The following RNLS variants were observed in gnomAD, a reference collection of about 807,000 sequenced individuals.
RNLS encodes the protein renalase, FAD dependent amine oxidase.
A neutral mutation model predicts 39.8 loss-of-function variants in RNLS; 39 were observed. The ratio of observed to expected loss-of-function variants is 0.98; its 90% CI spans 0.76 to 1.28. The LOEUF (loss-of-function observed/expected upper bound fraction) is 1.28, where lower values mean the gene tolerates loss of function less well. Among genes scored for constraint, RNLS ranks in the 50% most tolerant of loss-of-function variants. The probability of loss-of-function intolerance (pLI) is 0.00; values close to 1 mark genes in which losing one functional copy is unlikely to be tolerated. For missense variants in RNLS, 410 were observed against 413.3 expected, an observed-to-expected ratio of 0.99 and a Z score of 0.07; for synonymous variants, 147 against 150.7, an observed-to-expected ratio of 0.98 and a Z score of 0.18.
At chr10:88,390,542 A>G (rs1331051391) in intron 4 of RNLS, among the ~76,000 whole-genome samples, 1 of 152,182 alleles carries the variant, frequency 6.6e-6, no homozygotes, top group Non-Finnish European at 1.5e-5. Context: ...ACCATAGCAC[A>G]CATGCATTTA....
chr10:88,273,954 C>A (rs1413817456), exon 7 of RNLS: 1 of 152,162 alleles, frequency 6.6e-6, no homozygotes, highest in Non-Finnish European at 1.5e-5. Flanking sequence ...CATAAACATA[C>A]ATATGTACAC....
chr10:88,524,956 C>CACACACATATATAT (rs768939981), intron 4 of RNLS, among the ~76,000 whole-genome samples: 8 of 76,288 alleles, frequency 1.0e-4, no homozygotes, highest in African/African-American at 3.6e-4. Flanking sequence ...ATGGCACACA[C>CACACACATATATAT]ATACATATAT....
At chr10:88,273,290 A>G (rs990570189), downstream of RNLS, among the ~76,000 whole-genome samples, 2 of 152,250 alleles carry the variant, frequency 1.3e-5, no homozygotes, top group Admixed American at 6.5e-5. Flanking sequence ...CAGAAAAAAT[A>G]TAAAGAAAGA....
chr10:88,473,987 T>C (rs1843678613), intron 4 of RNLS, among the ~76,000 whole-genome samples: 1 of 152,204 alleles, frequency 6.6e-6, no homozygotes, highest in African/African-American at 2.4e-5. Context: ...TGATGGTTTC[T>C]TTCATTAAAT....
chr10:88,216,638 T>C, the RNLS span, among the ~76,000 whole-genome samples: 5 of 152,194 alleles, frequency 3.3e-5, no homozygotes, highest in African/African-American at 9.6e-5. Flanking sequence ...TGACCTGGTG[T>C]GAGTTGTATG....
At chr10:88,283,706 G>T (rs1187744285), downstream of RNLS, among the ~76,000 whole-genome samples, 1 of 152,010 alleles carries the variant, frequency 6.6e-6, no homozygotes, top group Non-Finnish European at 1.5e-5. Context: ...AACTAATGAG[G>T]GAACAGAAAA....
chr10:88,368,694 T>C (rs1040747856), intron 4 of RNLS, among the ~76,000 whole-genome samples: 1 of 152,128 alleles, frequency 6.6e-6, no homozygotes, highest in African/African-American at 2.4e-5. Context: ...CATAATTTGG[T>C]TAATCGTTTC....
At chr10:88,215,716 C>T in the RNLS span, among the ~76,000 whole-genome samples, 6 of 76,174 alleles carry the variant, frequency 7.9e-5, no homozygotes, top group South Asian at 3.6e-4. Flanking sequence ...TTTTTTTTTC[C>T]GAGATGGAGT....
At chr10:88,543,518 G>C (rs1448669245) in intron 4 of RNLS, among the ~76,000 whole-genome samples, 1 of 152,018 alleles carries the variant, frequency 6.6e-6, no homozygotes, top group Non-Finnish European at 1.5e-5. Flanking sequence ...GTCTAGTTGT[G>C]AAAGTTTAAT....
At chr10:88,329,501 T>C (rs539068657) in intron 5 of RNLS, among the ~76,000 whole-genome samples, 1 of 152,290 alleles carries the variant, frequency 6.6e-6, no homozygotes, top group Non-Finnish European at 1.5e-5. Context: ...TTTACCTTTG[T>C]TGACTTCATT....
intron 4 of RNLS, among the ~76,000 whole-genome samples, chr10:88,539,284 C>T (rs958284708): frequency 2.0e-5 from 3 of 152,096 alleles, no homozygotes; most frequent in South Asian, 2.1e-4. Flanking sequence ...GTTACTTTCA[C>T]ATATAGTATG....
intron 4 of RNLS, among the ~76,000 whole-genome samples, chr10:88,485,173 G>A (rs1009685649): frequency 2.0e-5 from 3 of 151,884 alleles, no homozygotes; most frequent in Non-Finnish European, 4.4e-5. Context: ...GCAGCTTCAA[G>A]AAGAAAGAAC....
At position 88,556,132 on chromosome 10, in the gene RNLS, C is replaced by G. The variant is rs559485703; in HGVS notation, c.526+16771G>C. Among the ~76,000 whole-genome samples the G allele has an allele frequency of 9.2e-5, 14 of 152,296 alleles. No homozygotes were observed. The South Asian group carries it at 2.7e-3, about 29-fold the overall frequency. On this transcript the variant is annotated intron_variant, in intron 4 of 6. Transcript: ENST00000331772. ...AAACCTACTTCTCCCTCAGTTTTCT[C>G]CCTTTGGTAGAAGACAACTCTGTTT...
Position 88,311,679 on chromosome 10 carries a change from C to T in RNLS, c.876+2787G>A, listed in dbSNP as rs746339090. ...TCAATTTAGAGTCTTAGGAGAAGGC[C>T]GTCAGCAAATATTAGTCTCTAGGGT... On this transcript the variant is annotated intron_variant, in intron 6 of 6. Transcript: ENST00000331772. Among the ~76,000 whole-genome samples the T allele has an allele frequency of 5.9e-5, 9 of 152,114 alleles. No individual in the cohort carries two copies. In the South Asian group the frequency reaches 1.2e-3, roughly 21 times the overall value.
At chr10:88,293,455 C>A (rs192822489) in intron 6 of RNLS, among the ~76,000 whole-genome samples, 14 of 152,012 alleles carry the variant, frequency 9.2e-5, no homozygotes, top group Non-Finnish European at 1.9e-4. Flanking sequence ...TCCCAAAAGG[C>A]AATCTGTGGC....
At chr10:88,270,830 G>A (rs772028412), downstream of RNLS, among the ~76,000 whole-genome samples, 1 of 152,112 alleles carries the variant, frequency 6.6e-6, no homozygotes. Flanking sequence ...TTCTGGGTAC[G>A]TTTATTTGGA....
rs553876277 is a variant in RNLS, at chr10:88,317,571, G to A, written c.701-2930C>T. Among the ~76,000 whole-genome samples the A allele has an allele frequency of 1.6e-4, 24 of 152,264 alleles. 1 individual carries two copies. In the South Asian group the frequency reaches 3.5e-3, roughly 22 times the overall value. Reference sequence around the variant, plus strand: ...GATTTGATTTTTTTGTGTGTGTTTCGTAAAATATACATAAAATTTACTGTT... The same window carrying A: ...GATTTGATTTTTTTGTGTGTGTTTCATAAAATATACATAAAATTTACTGTT... On this transcript the variant is annotated intron_variant, in intron 5 of 6. Coordinates refer to ENST00000331772, the MANE Select transcript of RNLS (RefSeq NM_001031709.3).
At chr10:88,535,652 C>T (rs1366006672) in intron 4 of RNLS, among the ~76,000 whole-genome samples, 1 of 151,832 alleles carries the variant, frequency 6.6e-6, no homozygotes, top group African/African-American at 2.4e-5. Flanking sequence ...ATAAAATAAA[C>T]AATAATGAGT....
chr10:88,216,618 G>A, the RNLS span, among the ~76,000 whole-genome samples: 1 of 152,194 alleles, frequency 6.6e-6, no homozygotes, highest in Non-Finnish European at 1.5e-5. Flanking sequence ...CTGAAAGCAG[G>A]GAAGCAAACT....
Sources: gnomAD v4.1 joint callset for allele counts (sites outside exome capture counted in the v4.1 genomes callset) on GRCh38, gnomAD v4.1.1 for gene constraint, MANE v1.5 for transcripts, NCBI Gene and HGNC (gene_info 2026-07-23, HGNC 2026-07-21) for gene names.